MCC: variants seen among roughly 807,000 people sequenced by gnomAD.
MCC encodes MCC regulator of Wnt signaling pathway, also known as colorectal mutant cancer protein.
In MCC, 90 loss-of-function variants were observed where a neutral mutation model predicts 116.2. The observed-to-expected ratio is 0.77, with a 90% CI of 0.65 to 0.92. MCC has a LOEUF of 0.92. MCC is among the 40% of genes least tolerant of loss of function. The pLI is 0.00. For missense variants in MCC, 1,516 were observed against 1,312.2 expected (o/e 1.16, Z -2.40); for synonymous variants, 578 against 510.5 (o/e 1.13, Z -1.78).
chr5:113,198,212 A>C (rs1762510147), intron 3 of MCC, among the ~76,000 whole-genome samples: 1 of 152,152 alleles, frequency 6.6e-6, no homozygotes. Context: ...ATTTGAGATT[A>C]AAGGGTTTTG....
intron 1 of MCC, among the ~76,000 whole-genome samples, chr5:113,464,657 G>A (rs987646477): frequency 6.6e-6 from 1 of 152,008 alleles, no homozygotes; most frequent in Non-Finnish European, 1.5e-5. Flanking sequence ...GTTTCTTAAG[G>A]TTGGCTATTT....
intron 14 of MCC, among the ~76,000 whole-genome samples, chr5:113,055,305 A>T (rs1371909376): frequency 1.3e-5 from 2 of 151,990 alleles, no homozygotes; most frequent in Non-Finnish European, 2.9e-5. Flanking sequence ...GATGCCACAA[A>T]CCCAGGCCTG....
chr5:113,074,683 A>G (rs992594146), intron 11 of MCC, among the ~76,000 whole-genome samples: 4 of 152,250 alleles, frequency 2.6e-5, no homozygotes, highest in African/African-American at 9.6e-5. Context: ...CAGTGTAGAC[A>G]AGTCCTTAAA....
intron 11 of MCC, among the ~76,000 whole-genome samples, chr5:113,074,821 GA>G (rs1754303547): frequency 6.6e-6 from 1 of 152,254 alleles, no homozygotes; most frequent in Non-Finnish European, 1.5e-5. Flanking sequence ...AATGAAGTGA[GA>G]AGAGAAGTTT....
chr5:113,168,126 G>A (rs1275687526), intron 3 of MCC, among the ~76,000 whole-genome samples: 1 of 152,092 alleles, frequency 6.6e-6, no homozygotes, highest in Non-Finnish European at 1.5e-5. Context: ...TCCTTATAAA[G>A]CAACAAAGTT....
chr5:113,386,754 C>CATATATATATATAT (rs10673164), intron 1 of MCC, among the ~76,000 whole-genome samples: 4,429 of 140,780 alleles, frequency 0.031, 125 homozygotes, highest in African/African-American at 0.062. Context: ...ATATGTATAT[C>CATATATATATATAT]ATATATATAT....
chr5:113,277,345 G>T (rs1431662198), intron 3 of MCC, among the ~76,000 whole-genome samples: 2 of 149,258 alleles, frequency 1.3e-5, no homozygotes, highest in Non-Finnish European at 1.5e-5. Context: ...TCCAGCCTGG[G>T]TGACAGAGTG....
intron 3 of MCC, among the ~76,000 whole-genome samples, chr5:113,181,567 C>T (rs546064224): frequency 1.3e-5 from 2 of 152,292 alleles, no homozygotes; most frequent in East Asian, 3.9e-4. Context: ...TCTGACTGTG[C>T]ACCTGCTGTC....
At position 113,433,914 on chromosome 5, in the gene MCC, G is replaced by A. The variant is rs367672503; in HGVS notation, c.171-48702C>T. On this transcript the variant is annotated intron_variant, in intron 1 of 18. Transcript: ENST00000408903. ...CTCTCCCTCAGGCTCCAGCTTGGTG[G>A]CAGACTTCTTGTCAGAGCCAGGTTC... is the stretch of plus-strand genomic sequence containing the variant. The A allele has an allele frequency of 3.1e-6, 5 of 1,613,878 alleles. No individual in the cohort carries two copies. The African/African-American group carries it at 6.7e-5, about 22-fold the overall frequency.
At chr5:113,243,224 G>C (rs765632738) in intron 3 of MCC, among the ~76,000 whole-genome samples, 4 of 152,068 alleles carry the variant, frequency 2.6e-5, no homozygotes, top group African/African-American at 9.7e-5. Context: ...GCATGATCTA[G>C]AAGTAGCTAC....
At chr5:113,144,148 A>G (rs1358809472) in intron 4 of MCC, among the ~76,000 whole-genome samples, 1 of 152,196 alleles carries the variant, frequency 6.6e-6, no homozygotes, top group Admixed American at 6.5e-5. Context: ...TAGTGATAAA[A>G]GAGGCAGAGG....
intron 3 of MCC, among the ~76,000 whole-genome samples, chr5:113,180,275 T>C (rs1761554136): frequency 6.6e-6 from 1 of 152,174 alleles, no homozygotes; most frequent in Admixed American, 6.5e-5. Flanking sequence ...CTCCCGTGCT[T>C]CCAATTTATA....
At chr5:113,349,223 C>G (rs983164306) in intron 2 of MCC, among the ~76,000 whole-genome samples, 6 of 151,908 alleles carry the variant, frequency 3.9e-5, no homozygotes, top group African/African-American at 1.2e-4. Context: ...ATCCCGATAC[C>G]AAAACCAGAA....
At chr5:113,315,856 T>G (rs1767267553) in intron 3 of MCC, among the ~76,000 whole-genome samples, 1 of 150,396 alleles carries the variant, frequency 6.6e-6, no homozygotes, top group African/African-American at 2.5e-5. Flanking sequence ...CCAGCCCGGG[T>G]GACAGAGTGA....
chr5:113,199,262 G>C (rs978844700), intron 3 of MCC, among the ~76,000 whole-genome samples: 1 of 152,108 alleles, frequency 6.6e-6, no homozygotes, highest in Non-Finnish European at 1.5e-5. Flanking sequence ...GACTAATCTA[G>C]TGCCGTGTTA....
At chr5:113,089,861 T>C (rs1581033724) in intron 8 of MCC, among the ~76,000 whole-genome samples, 1 of 152,106 alleles carries the variant, frequency 6.6e-6, no homozygotes, top group South Asian at 2.1e-4. Context: ...TGGAGTTACT[T>C]AGCAATGAGA....
chr5:113,221,170 C>T (rs1331735993), intron 3 of MCC, among the ~76,000 whole-genome samples: 3 of 152,230 alleles, frequency 2.0e-5, no homozygotes, highest in Non-Finnish European at 2.9e-5. Context: ...TGCCACTGCA[C>T]TCCAGTCTGG....
chr5:113,137,238 A>T (rs573014086), intron 5 of MCC, among the ~76,000 whole-genome samples: 24 of 152,296 alleles, frequency 1.6e-4, no homozygotes, highest in African/African-American at 5.5e-4. Context: ...GAAAACCATC[A>T]GATCTTGTCA....
At chr5:113,186,142 C>T (rs1469444900) in intron 3 of MCC, among the ~76,000 whole-genome samples, 1 of 152,126 alleles carries the variant, frequency 6.6e-6, no homozygotes, top group African/African-American at 2.4e-5. Context: ...CATGCCTGTG[C>T]GGCAATGGAT....
Sources: allele counts gnomAD v4.1 joint callset (sites outside exome capture counted in the v4.1 genomes callset), GRCh38; gene constraint gnomAD v4.1.1; transcripts MANE v1.5; gene names NCBI Gene and HGNC (gene_info 2026-07-23, HGNC 2026-07-21).